IQGAP2: variants seen among roughly 807,000 people sequenced by gnomAD.
IQGAP2 encodes the protein ras GTPase-activating-like protein IQGAP2.
In IQGAP2, 173 loss-of-function variants were observed where a neutral mutation model predicts 201.3. The ratio of observed to expected loss-of-function variants is 0.86; its 90% CI spans 0.76 to 0.98. IQGAP2 has a LOEUF of 0.98. Ranked by LOEUF, IQGAP2 falls within the 50% of genes least tolerant of loss-of-function variation. The pLI, the probability that IQGAP2 is intolerant of heterozygous loss-of-function variation, is 0.00. For synonymous variants in IQGAP2, 675 were observed against 673.9 expected (o/e 1.00, Z -0.03); for missense variants, 1,687 against 1,864.8 (o/e 0.90, Z 1.76).
intron 2 of IQGAP2, among the ~76,000 whole-genome samples, chr5:76,512,806 C>A (rs1758059768): frequency 6.6e-6 from 1 of 152,226 alleles, no homozygotes; most frequent in African/African-American, 2.4e-5. Flanking sequence ...CCTGTAATCC[C>A]AGCACTTTGG....
intron 11 of IQGAP2, 75 bp downstream of exon 11, chr5:76,601,047 C>CT: frequency 6.8e-7 from 1 of 1,461,764 alleles, no homozygotes; most frequent in South Asian, 1.2e-5. Flanking sequence ...AGGAATTTGC[C>CT]TGTTGGTGGA....
At chr5:76,650,024 G>C (rs1423605) in intron 17 of IQGAP2, among the ~76,000 whole-genome samples, 76,193 of 152,068 alleles carry the variant, frequency 0.5, 19,534 homozygotes, top group Non-Finnish European at 0.56. Context: ...ATCTGGAGCG[G>C]CTGGGATGCA....
rs371448195 is a variant in IQGAP2 at position 76,654,972 on chromosome 5, G to A, written c.2289G>A (p.Ala763=). The change falls in exon 20 of 36, where the codon GCG becomes GCA. Residue 763 remains alanine, a synonymous_variant. Transcript: ENST00000274364. ...EIVKIQSLLR[A]NKARDDYKTL... is the part of the protein sequence containing the mutation. ...TGAAAATACAGTCACTGTTGAGAGC[G>A]AACAAAGCTAGAGATGACTACAAAA... is the stretch of plus-strand genomic sequence containing the variant. 1.2e-4 allele frequency: 197 copies of A among 1,612,830 alleles called. 1 individual carries two copies. In the South Asian group the frequency reaches 1.3e-3, roughly 11 times the overall value.
intron 30 of IQGAP2, among the ~76,000 whole-genome samples, chr5:76,687,991 A>G (rs184072249): frequency 6.6e-6 from 1 of 152,298 alleles, no homozygotes; most frequent in East Asian, 1.9e-4. Context: ...TGGTGCCAAA[A>G]GGGTTGGGGA....
chr5:76,460,909 G>A (rs867282839), intron 1 of IQGAP2, among the ~76,000 whole-genome samples: 1 of 135,688 alleles, frequency 7.4e-6, no homozygotes, highest in Admixed American at 8.1e-5. Flanking sequence ...TAACTCTATC[G>A]CCCAGGGTGG....
chr5:76,674,784 C>CACA, intron 27 of IQGAP2, 75 bp downstream of exon 27: 1 of 1,091,008 alleles, frequency 9.2e-7, no homozygotes, highest in Non-Finnish European at 1.4e-6. Flanking sequence ...GTGCCCAGAG[C>CACA]TAGAGTGGGC....
chr5:76,442,740 A>C (rs1273751890), intron 1 of IQGAP2, among the ~76,000 whole-genome samples: 1 of 152,196 alleles, frequency 6.6e-6, no homozygotes, highest in African/African-American at 2.4e-5. Flanking sequence ...TAATCCCAGC[A>C]CTTTGGGAGG....
intron 2 of IQGAP2, among the ~76,000 whole-genome samples, chr5:76,552,320 G>A (rs575783923): frequency 2.0e-5 from 3 of 152,170 alleles, no homozygotes; most frequent in East Asian, 1.9e-4. Flanking sequence ...CACTCTTTAG[G>A]GAGTGATTGT....
intron 23 of IQGAP2, among the ~76,000 whole-genome samples, chr5:76,670,999 A>G (rs1463570500): frequency 6.6e-6 from 1 of 152,202 alleles, no homozygotes; most frequent in Non-Finnish European, 1.5e-5. Context: ...ACAGTGGCTC[A>G]CGCCTGTAAT....
chr5:76,545,921 C>T (rs1403526755), intron 2 of IQGAP2, among the ~76,000 whole-genome samples: 1 of 152,210 alleles, frequency 6.6e-6, no homozygotes, highest in Admixed American at 6.5e-5. Context: ...TTCACACTCT[C>T]TCCTGTCATC....
At chr5:76,602,078 C>G (rs942007242) in intron 11 of IQGAP2, among the ~76,000 whole-genome samples, 1 of 152,196 alleles carries the variant, frequency 6.6e-6, no homozygotes, top group African/African-American at 2.4e-5. Flanking sequence ...CCCTCGTGCT[C>G]TAAAGAGCCT....
chr5:76,423,383 C>T (rs528073493), intron 1 of IQGAP2, among the ~76,000 whole-genome samples: 6 of 152,128 alleles, frequency 3.9e-5, no homozygotes, highest in Admixed American at 2.6e-4. Context: ...AGCACTTTGG[C>T]AGGCCTAGGC....
At chr5:76,635,373 A>G (rs1010429241) in intron 15 of IQGAP2, among the ~76,000 whole-genome samples, 1 of 152,178 alleles carries the variant, frequency 6.6e-6, no homozygotes, top group Non-Finnish European at 1.5e-5. Context: ...TGAATTGACC[A>G]TTGGTGATTG....
chr5:76,677,547 AT>A, intron 28 of IQGAP2, 197 bp downstream of exon 28: 1 of 419,676 alleles, frequency 2.4e-6, no homozygotes, highest in Non-Finnish European at 4.1e-6. Flanking sequence ...ACAAAATTCT[AT>A]TTTTACATAA....
Position 76,679,110 on chromosome 5 carries a change from C to T in IQGAP2, c.3660+1760C>T, listed in dbSNP as rs1166199833. ...GACCCATTTGTCTGTTTTTGTGGTA[C>T]ATTATCTGTCTTCAAAGAATATGTA... On this transcript the variant is annotated intron_variant, in intron 28 of 35. Coordinates refer to ENST00000274364, the MANE Select transcript of IQGAP2 (RefSeq NM_006633.5). 2.0e-5 allele frequency among the ~76,000 whole-genome samples: 3 copies of T among 152,176 alleles called. No individual in the cohort carries two copies. In the East Asian group the frequency reaches 5.8e-4, roughly 29 times the overall value.
intron 1 of IQGAP2, among the ~76,000 whole-genome samples, chr5:76,413,011 T>C (rs1030054143): frequency 1.9e-4 from 29 of 152,124 alleles, no homozygotes; most frequent in African/African-American, 6.5e-4. Context: ...ACCCCCCTCA[T>C]TACTGCTGCC....
chr5:76,570,504 T>A, intron 3 of IQGAP2, 76 bp from the exon 4 acceptor site: 1 of 947,482 alleles, frequency 1.1e-6, no homozygotes, highest in Non-Finnish European at 1.7e-6. Context: ...ATCCTGTACA[T>A]GAAAAAAGTT....
intron 28 of IQGAP2, among the ~76,000 whole-genome samples, chr5:76,681,808 G>C (rs1243640002): frequency 6.6e-6 from 1 of 152,154 alleles, no homozygotes; most frequent in Non-Finnish European, 1.5e-5. Flanking sequence ...CATGTTCATA[G>C]CAGCATTGTT....
chr5:76,459,308 C>T (rs1304744939), intron 1 of IQGAP2, among the ~76,000 whole-genome samples: 3 of 151,868 alleles, frequency 2.0e-5, no homozygotes, highest in African/African-American at 4.8e-5. Context: ...TAGTTGAGGC[C>T]GGAAGGGTGC....
Sources: allele counts gnomAD v4.1 joint callset (sites outside exome capture counted in the v4.1 genomes callset), GRCh38; gene constraint gnomAD v4.1.1; transcripts MANE v1.5; gene names NCBI Gene and HGNC (gene_info 2026-07-23, HGNC 2026-07-21).